SLK: variants seen among roughly 807,000 people sequenced by gnomAD.
SLK encodes the protein STE20-like serine/threonine-protein kinase.
In SLK, 67 loss-of-function variants were observed where a neutral mutation model predicts 147.7. The observed-to-expected ratio is 0.45, with a 90% confidence interval of 0.37 to 0.56. SLK has a LOEUF of 0.56. Among genes scored for constraint, SLK ranks in the 20% least tolerant of loss-of-function variants. The pLI, the probability that SLK is intolerant of heterozygous loss-of-function variation, is 0.00. For missense variants in SLK, 1,136 were observed against 1,438.8 expected, an observed-to-expected ratio of 0.79 and a Z score of 3.41; for synonymous variants, 441 against 475.0, an observed-to-expected ratio of 0.93 and a Z score of 0.93.
intron 14 of SLK, 70 bp downstream of exon 14, chr10:104,018,359 C>CG: frequency 7.1e-7 from 1 of 1,401,284 alleles, no homozygotes; most frequent in Non-Finnish European, 9.8e-7. Context: ...TGAATGTAAA[C>CG]ATATAACCCT....
intron 1 of SLK, among the ~76,000 whole-genome samples, chr10:103,972,663 C>T (rs573437393): frequency 3.7e-5 from 4 of 107,994 alleles, no homozygotes; most frequent in East Asian, 5.7e-4. Flanking sequence ...AAGAGCAAGA[C>T]TCCGTCTCAA....
chr10:104,014,014 A>G (rs1438562031), intron 13 of SLK, among the ~76,000 whole-genome samples: 2 of 152,174 alleles, frequency 1.3e-5, no homozygotes, highest in South Asian at 2.1e-4. Context: ...AGCTGGAACT[A>G]GAGCACTTTT....
At position 104,021,503 on chromosome 10, in the gene SLK, GA is replaced by G. The variant is rs1479117126; in HGVS notation, c.3448-115del. 1.4e-5 allele frequency: 8 copies of G among 590,758 alleles called. No homozygotes were observed. In the East Asian group the frequency reaches 2.5e-4, roughly 18 times the overall value. The allele number at this position is 590,758 out of a possible 1,614,324, so 36.6% of individuals were successfully genotyped here. On this transcript the variant is annotated intron_variant, in intron 17 of 18. Coordinates refer to ENST00000369755, the MANE Select transcript of SLK (RefSeq NM_014720.4). ...CCTTGGTTTTTATAGAGGAAAACTT[GA>G]ATCTCAGTAATAGCATGATATTTGA...
At position 104,019,761 on chromosome 10, in the gene SLK, CAA is replaced by C; in HGVS notation, c.3162_3163del (p.Arg1055ThrfsTer3). On this transcript the variant is annotated frameshift_variant, in exon 16 of 19. Transcript: ENST00000369755. LOFTEE classifies it high-confidence loss of function. ...KETEQMQRYN[Q>X]RLIEELKNRQ... Reference sequence around the variant, plus strand: ...AACAGAGCAAATGCAGCGTTACAATCAAAGACTTATTGAGGAATTGAAAAACA... The same window carrying C: ...AACAGAGCAAATGCAGCGTTACAATCAGACTTATTGAGGAATTGAAAAACA... 1 of 1,614,014 alleles carries C rather than the reference CAA, an allele frequency of 6.2e-7. No homozygotes were observed. The highest frequency in any genetic ancestry group is 8.5e-7 in the Non-Finnish European group (1 of 1,179,922).
At position 103,990,827 on chromosome 10, in the gene SLK, G is replaced by T; in HGVS notation, c.303G>T (p.Glu101Asp). The change falls in exon 2 of 19, where the codon GAG becomes GAT. Residue 101 changes from glutamate to aspartate, a missense_variant. By Grantham distance (45) the Glu-to-Asp change is conservative. Coordinates refer to ENST00000369755, the MANE Select transcript of SLK (RefSeq NM_014720.4). ...IVKLLDAFYY[E>D]NNLWILIEFC... Reference sequence around the variant, plus strand: ...AGCTTCTAGATGCCTTCTATTATGAGAACAATCTTTGGGTAAGTATTTTCT... The same window carrying T: ...AGCTTCTAGATGCCTTCTATTATGATAACAATCTTTGGGTAAGTATTTTCT... 6.6e-7 allele frequency: 1 copy of T among 1,509,408 alleles called. No individual in the cohort carries two copies. The allele number at this position is 1,509,408 out of a possible 1,614,324, so 93.5% of individuals were successfully genotyped here.
At chr10:104,022,239 G>C (rs1407605267) in intron 18 of SLK, among the ~76,000 whole-genome samples, 1 of 151,930 alleles carries the variant, frequency 6.6e-6, no homozygotes, top group Non-Finnish European at 1.5e-5. Context: ...AAGGAAGGAA[G>C]GAAGGAAGCG....
chr10:103,997,004 A>G (rs1371899778), intron 4 of SLK, among the ~76,000 whole-genome samples: 1 of 152,130 alleles, frequency 6.6e-6, no homozygotes, highest in Non-Finnish European at 1.5e-5. Flanking sequence ...TTATACAACC[A>G]TTACCATCAC....
rs373285860 is a variant in SLK at position 104,002,282 on chromosome 10, A to G, written c.1104A>G (p.Glu368=). 2 of 1,613,682 alleles carry G rather than the reference A, an allele frequency of 1.2e-6. No homozygotes were observed. Among genetic ancestry groups the G allele is most frequent in the Non-Finnish European group, 1.7e-6 (2 of 1,179,784 alleles). The change falls in exon 9 of 19, where the codon GAA becomes GAG. Residue 368 remains glutamate, a synonymous_variant. Transcript: ENST00000369755. ...TGGAGTCTGTCTCAGAAAAAACAGA[A>G]CGTAGTAACTCTGAAGATAAACTCA... ...CILESVSEKT[E]RSNSEDKLNS...
At position 104,002,431 on chromosome 10, in the gene SLK, T is replaced by A. The variant is rs1589537767; in HGVS notation, c.1253T>A (p.Val418Glu). 1.2e-6 allele frequency: 2 copies of A among 1,613,896 alleles called. No homozygotes were observed. The highest frequency in any genetic ancestry group is 1.6e-4 in the Middle Eastern group (1 of 6,062). ...AMTELHDRTA[V>E]IKENEREKRP... ...ACTGAACTCCATGACAGAACAGCAG[T>A]AATCAAGGAGAATGAAAGAGAGAAG... The change falls in exon 9 of 19, where the codon GTA (valine) becomes GAA (glutamate). Residue 418 changes from valine to glutamate, a missense_variant. Around this residue, in one of 6 missense-constraint regions of SLK, gnomAD observed 516 missense variants for 531.3 expected, o/e 0.97. Transcript: ENST00000369755.
intron 4 of SLK, among the ~76,000 whole-genome samples, chr10:103,996,343 T>G (rs942524206): frequency 6.6e-6 from 1 of 151,778 alleles, no homozygotes; most frequent in African/African-American, 2.4e-5. Context: ...AAGTTTTTTT[T>G]TTTTTTTAAG....
At chr10:103,968,021 A>C in intron 1 of SLK, 126 bp downstream of exon 1, 4 of 982,540 alleles carry the variant, frequency 4.1e-6, no homozygotes, top group Non-Finnish European at 6.0e-6. Flanking sequence ...GTTCGATGCA[A>C]CTTTACTTGG....
Position 104,002,850 on chromosome 10 carries a change from G to A in SLK, c.1672G>A (p.Ala558Thr), listed in dbSNP as rs751277320. The A allele has an allele frequency of 5.0e-5, 80 of 1,613,914 alleles. No homozygotes were observed. The highest frequency in any genetic ancestry group is 6.4e-5 in the Non-Finnish European group (76 of 1,179,948). Residue 558 changes from alanine to threonine, a missense_variant, in exon 9 of 19, where the codon GCT becomes ACT. This residue lies in a region of SLK where 516 missense variants were observed against 531.3 expected (regional missense o/e 0.97). Coordinates refer to ENST00000369755, the MANE Select transcript of SLK (RefSeq NM_014720.4). Reference protein sequence around the residue: ...VIGTCEAADVAQKVDEDSAED... With the variant: ...VIGTCEAADVTQKVDEDSAED... ...AGGAACATGTGAGGCAGCAGATGTG[G>A]CTCAGAAAGTGGATGAAGACAGTGC...
In SLK at chr10:104,002,412, C is replaced by A. The variant is rs767816821; in HGVS notation, c.1234C>A (p.Leu412Ile). The A allele has an allele frequency of 2.5e-6, 4 of 1,613,820 alleles. No homozygotes were observed. Among genetic ancestry groups the A allele is most frequent in the Admixed American group, 1.7e-5 (1 of 59,956 alleles). The change falls in exon 9 of 19, where the codon CTC (leucine) becomes ATC (isoleucine). Residue 412 changes from leucine to isoleucine, a missense_variant. Transcript: ENST00000369755. The stretch of plus-strand genomic sequence containing the variant: ...TGCTCAGTTAGAAGCAATGACTGAA[C>A]TCCATGACAGAACAGCAGTAATCAA... ...TDAQLEAMTELHDRTAVIKEN... is the reference protein window; with the variant it reads ...TDAQLEAMTEIHDRTAVIKEN...
chr10:104,025,363 A>G (rs1404962340), intron 18 of SLK, among the ~76,000 whole-genome samples: 6 of 152,200 alleles, frequency 3.9e-5, no homozygotes, highest in Non-Finnish European at 4.4e-5. Flanking sequence ...GAAGTTAAGT[A>G]ATGGACCCAA....
chr10:103,999,943 C>A lies in SLK; in HGVS notation c.859C>A (p.Leu287Met), dbSNP rs150555883. 424 of 1,481,994 alleles carry A rather than the reference C, an allele frequency of 2.9e-4. No homozygotes were observed. Among genetic ancestry groups the A allele is most frequent in the Non-Finnish European group, 3.8e-4 (411 of 1,073,178 alleles). 91.8% of individuals were successfully genotyped at this position (1,481,994 alleles called of 1,614,324 possible). A position where few individuals can be genotyped will look rare whatever the true frequency, so the allele number is the denominator to read the frequency against. The part of the protein sequence containing the change: ...VDARWTTSQL[L>M]QHPFVTVDSN... The stretch of plus-strand genomic sequence containing the variant: ...TGCCAGGTGGACTACATCTCAGCTG[C>A]TGCAGGTAAGAGAGTATGACAACAG... The change falls in exon 7 of 19, where the codon CTG becomes ATG. Residue 287 changes from leucine to methionine, a missense_variant. Leu to Met is a conservative substitution (Grantham distance 15). Around this residue, in one of 6 missense-constraint regions of SLK, gnomAD observed 141 missense variants for 219.3 expected, o/e 0.64. Transcript: ENST00000369755.
intron 4 of SLK, among the ~76,000 whole-genome samples, chr10:103,993,720 G>A (rs12247864): frequency 0.018 from 2,735 of 152,118 alleles, 86 homozygotes; most frequent in African/African-American, 0.062. Context: ...AAGTTATAGC[G>A]CTCTTTACCC....
chr10:103,999,097 T>G (rs763103031), intron 5 of SLK, 22 bp from the exon 6 acceptor site: 41 of 1,591,360 alleles, frequency 2.6e-5, no homozygotes, highest in Non-Finnish European at 3.3e-5. Context: ...ACATGTTAAC[T>G]TTTAATTATC....
At chr10:104,001,383 G>T in intron 7 of SLK, 61 bp from the exon 8 acceptor site, 1 of 1,372,468 alleles carries the variant, frequency 7.3e-7, no homozygotes, top group Non-Finnish European at 1.0e-6. Context: ...TGTTGTGTGT[G>T]TTTGAAACTT....
chr10:104,024,797 G>T (rs143844984), intron 18 of SLK, among the ~76,000 whole-genome samples: 4 of 152,054 alleles, frequency 2.6e-5, no homozygotes, highest in African/African-American at 7.2e-5. Context: ...GTGCCAACAC[G>T]GTCACGCTTT....
Sources: allele counts gnomAD v4.1 joint callset (sites outside exome capture counted in the v4.1 genomes callset), GRCh38; gene constraint gnomAD v4.1.1; regional missense constraint gnomAD v4.1.1; transcripts MANE v1.5; gene names NCBI Gene and HGNC (gene_info 2026-07-23, HGNC 2026-07-21).